HTR5A: variants seen among roughly 807,000 people sequenced by gnomAD.
HTR5A encodes 5-HT-5.
HTR5A carries 21 observed loss-of-function variants against 24.3 expected under a neutral mutation model. That is an observed-to-expected ratio of 0.86 (90% CI 0.61 to 1.24). The LOEUF is 1.24. Ranked by LOEUF, HTR5A falls within the 50% of genes most tolerant of loss-of-function variation. HTR5A has a pLI of 0.00. For synonymous variants in HTR5A, 260 were observed against 213.7 expected (o/e 1.22, Z -1.89); for missense variants, 497 against 489.5 (o/e 1.02, Z -0.15).
chr7:155,075,075 G>C (rs1469554257), intron 1 of HTR5A, among the ~76,000 whole-genome samples: 1 of 152,162 alleles, frequency 6.6e-6, no homozygotes, highest in Non-Finnish European at 1.5e-5. Flanking sequence ...CCTAAGAGAA[G>C]AAAATTTTAA....
chr7:155,084,420 T>C lies in HTR5A; in HGVS notation c.1007T>C (p.Leu336Pro). 1 of 1,614,132 alleles carries C rather than the reference T, an allele frequency of 6.2e-7. No individual in the cohort carries two copies. Among genetic ancestry groups the C allele is most frequent in the Non-Finnish European group, 8.5e-7 (1 of 1,180,012 alleles). ...TACTCCAACTCCTTCTTTAACCCCC[T>C]GATCTATACGGCTTTCAACAAGAAC... ...LGYSNSFFNP[L>P]IYTAFNKNYN... Residue 336 changes from leucine to proline, a missense_variant, in exon 2 of 2, where the codon CTG becomes CCG. By Grantham distance (98) the Leu-to-Pro change is moderately conservative (BLOSUM62 -3). Transcript: ENST00000287907.
chr7:155,071,089 A>G lies in HTR5A; in HGVS notation c.190A>G (p.Thr64Ala), dbSNP rs1415550977. ...CGCCTGGAACCTGCTGGTGCTGGCGACCATCCTCCGTGTACGCACCTTCCA... is the reference window on the plus strand; with the variant it reads ...CGCCTGGAACCTGCTGGTGCTGGCGGCCATCCTCCGTGTACGCACCTTCCA... ...TFAWNLLVLA[T>A]ILRVRTFHRV... The change falls in exon 1 of 2, where the codon ACC (threonine) becomes GCC (alanine). Residue 64 changes from threonine (T) to alanine (A), a missense_variant. Thr to Ala is a moderately conservative substitution (Grantham distance 58, BLOSUM62 0). Coordinates refer to ENST00000287907, the MANE Select transcript of HTR5A (RefSeq NM_024012.4). 6.8e-6 allele frequency: 11 copies of G among 1,607,506 alleles called. No homozygotes were observed. The highest frequency in any genetic ancestry group is 5.0e-5 in the Admixed American group (3 of 59,972).
chr7:155,085,239 A>G lies in HTR5A; in HGVS notation c.*752A>G, dbSNP rs1795463958. 1 of 152,270 alleles carries G rather than the reference A, an allele frequency of 6.6e-6. No individual in the cohort carries two copies. Among genetic ancestry groups the G allele is most frequent in the Non-Finnish European group, 1.5e-5 (1 of 68,060 alleles). 9.4% of individuals were successfully genotyped at this position (152,270 alleles called of 1,614,324 possible). The stretch of plus-strand genomic sequence containing the variant: ...CTTTCATTTTGAAGCAACAGTTTAT[A>G]AACAGGAAAGTCTACTGGTTTCATA... On this transcript the variant is annotated 3_prime_UTR_variant, in exon 2 of 2. Coordinates refer to ENST00000287907, the MANE Select transcript of HTR5A (RefSeq NM_024012.4).
intron 1 of HTR5A, among the ~76,000 whole-genome samples, chr7:155,080,241 T>C (rs190554992): frequency 5.3e-4 from 81 of 152,316 alleles, no homozygotes; most frequent in African/African-American, 1.6e-3. Context: ...GTTTAAAGCT[T>C]TCTACATAGA....
Position 155,071,650 on chromosome 7 carries a change from T to A in HTR5A, c.741+10T>A. 6.2e-7 allele frequency: 1 copy of A among 1,611,276 alleles called. No homozygotes were observed. The highest frequency in any genetic ancestry group is 8.5e-7 in the Non-Finnish European group (1 of 1,178,602). On this transcript the variant is annotated intron_variant, in intron 1 of 1. Transcript: ENST00000287907. The stretch of plus-strand genomic sequence containing the variant: ...ATCCGAAGCTGTGGAGGTGGGTATC[T>A]CAGCAATCCTTAAAAATACTCGACT...
intron 1 of HTR5A, among the ~76,000 whole-genome samples, chr7:155,080,668 G>A (rs773077592): frequency 5.9e-5 from 9 of 152,238 alleles, no homozygotes; most frequent in African/African-American, 1.7e-4. Context: ...AGAGCAGAGC[G>A]GAATGCCCAT....
At chr7:155,082,589 G>C (rs1795430512) in intron 1 of HTR5A, among the ~76,000 whole-genome samples, 2 of 152,224 alleles carry the variant, frequency 1.3e-5, no homozygotes. Context: ...GTGCCAAGGG[G>C]AAGGAGACTT....
At chr7:155,076,441 G>A (rs985088508) in intron 1 of HTR5A, among the ~76,000 whole-genome samples, 1 of 152,156 alleles carries the variant, frequency 6.6e-6, no homozygotes. Context: ...CATAATTTAA[G>A]CATTGAACAA....
rs1563417256 is a variant in HTR5A at position 155,070,510 on chromosome 7, C to T, written c.-390C>T. Reference sequence around the variant, plus strand: ...GGTGAGAGCGACTGCTCTGACGCACCAGCCCCTCTCCTGCACCCACACGCT... The same window carrying T: ...GGTGAGAGCGACTGCTCTGACGCACTAGCCCCTCTCCTGCACCCACACGCT... On this transcript the variant is annotated 5_prime_UTR_variant, in exon 1 of 2. Transcript: ENST00000287907. 4 of 378,608 alleles carry T rather than the reference C, an allele frequency of 1.1e-5. No individual in the cohort carries two copies. The allele number at this position is 378,608 out of a possible 1,614,324, so 23.5% of individuals were successfully genotyped here. A position where few individuals can be genotyped will look rare whatever the true frequency, so the allele number is the denominator to read the frequency against.
chr7:155,076,150 C>T (rs1585120847), intron 1 of HTR5A, among the ~76,000 whole-genome samples: 3 of 152,186 alleles, frequency 2.0e-5, no homozygotes, highest in South Asian at 2.1e-4. Flanking sequence ...CCAAGATGGT[C>T]ACTAATTCAC....
At position 155,085,823 on chromosome 7, in the gene HTR5A, T is replaced by C. The variant is rs1795471033; in HGVS notation, c.*1336T>C. On this transcript the variant is annotated 3_prime_UTR_variant, in exon 2 of 2. Transcript: ENST00000287907. The stretch of plus-strand genomic sequence containing the variant: ...TAAGAGTTCAAACATAGGAAATTTG[T>C]GATAATTTATATGTGGTCTTGGCTT... 6.6e-6 allele frequency: 1 copy of C among 152,240 alleles called. No individual in the cohort carries two copies. The highest frequency in any genetic ancestry group is 2.1e-4 in the South Asian group (1 of 4,834). 9.4% of individuals were successfully genotyped at this position (152,240 alleles called of 1,614,324 possible).
intron 1 of HTR5A, among the ~76,000 whole-genome samples, chr7:155,079,528 C>T (rs1287772338): frequency 6.6e-6 from 1 of 152,104 alleles, no homozygotes. Context: ...TGACTTTTAG[C>T]CATTTGATGT....
rs1795327226 is a variant in HTR5A, at chr7:155,073,867, ATATATATATG to A, written c.741+2237_741+2246del. 8.3e-5 allele frequency among the ~76,000 whole-genome samples: 10 copies of A among 121,154 alleles called. 1 individual carries two copies. Among genetic ancestry groups the A allele is most frequent in the Admixed American group, 6.0e-4 (7 of 11,580 alleles). 79.5% of individuals were successfully genotyped at this position (121,154 alleles called of 152,430 possible). A position where few individuals can be genotyped will look rare whatever the true frequency, so the allele number is the denominator to read the frequency against. ...TATATATACATATGTGTGTGTGTGT[ATATATATATG>A]TATATATATATGTATATATATATAT... On this transcript the variant is annotated intron_variant, in intron 1 of 1. Coordinates refer to ENST00000287907, the MANE Select transcript of HTR5A (RefSeq NM_024012.4).
In HTR5A at chr7:155,084,426, A is replaced by G. The variant is rs775196416; in HGVS notation, c.1013A>G (p.Tyr338Cys). ...AACTCCTTCTTTAACCCCCTGATCT[A>G]TACGGCTTTCAACAAGAACTACAAC... ...YSNSFFNPLI[Y>C]TAFNKNYNSA... Residue 338 changes from tyrosine (Y) to cysteine (C), a missense_variant, in exon 2 of 2, where the codon TAT becomes TGT. By Grantham distance (194) the Tyr-to-Cys change is radical. Transcript: ENST00000287907. 1 of 1,614,100 alleles carries G rather than the reference A, an allele frequency of 6.2e-7. No individual in the cohort carries two copies. The highest frequency in any genetic ancestry group is 1.7e-5 in the Admixed American group (1 of 60,020).
intron 1 of HTR5A, among the ~76,000 whole-genome samples, chr7:155,077,893 A>G (rs1795375384): frequency 6.6e-6 from 1 of 152,234 alleles, no homozygotes; most frequent in South Asian, 2.1e-4. Context: ...TAGTGGGGTT[A>G]CTGGTAGTTA....
At position 155,084,657 on chromosome 7, in the gene HTR5A, A is replaced by G; in HGVS notation, c.*170A>G. The stretch of plus-strand genomic sequence containing the variant: ...TCTTTTCCACCTCCTCAGTAGGAAT[A>G]TGACTCCTCATAGAGTTACGGTGAC... On this transcript the variant is annotated 3_prime_UTR_variant, in exon 2 of 2. Transcript: ENST00000287907. 1.7e-6 allele frequency: 1 copy of G among 603,380 alleles called. No individual in the cohort carries two copies. The highest frequency in any genetic ancestry group is 2.9e-6 in the Non-Finnish European group (1 of 342,182). The allele number at this position is 603,380 out of a possible 1,614,324, so 37.4% of individuals were successfully genotyped here.
chr7:155,084,344 T>TGCTC lies in HTR5A; in HGVS notation c.932_935dup (p.Cys313LeufsTer3), dbSNP rs776253608. 6.2e-7 allele frequency: 1 copy of TGCTC among 1,614,180 alleles called. No individual in the cohort carries two copies. Among genetic ancestry groups the TGCTC allele is most frequent in the South Asian group, 1.1e-5 (1 of 91,084 alleles). ...TCTCACCGAGCTCATCAGTCCCCTCTGCTCCTGTGACATCCCCGCCATCTG... is the reference window on the plus strand; with the variant it reads ...TCTCACCGAGCTCATCAGTCCCCTCTGCTCGCTCCTGTGACATCCCCGCCATCTG... On this transcript the variant is annotated frameshift_variant, in exon 2 of 2. Transcript: ENST00000287907. LOFTEE classifies it high-confidence loss of function.
In HTR5A at chr7:155,084,511, A is replaced by C; in HGVS notation, c.*24A>C. 6.4e-7 allele frequency: 1 copy of C among 1,560,156 alleles called. No individual in the cohort carries two copies. Among genetic ancestry groups the C allele is most frequent in the South Asian group, 1.2e-5 (1 of 84,420 alleles). ...GAGGGAGAGGACCAGGATTGAAAAAAGTTTCTTCCCATAATTCAGTGGAAT... is the reference window on the plus strand; with the variant it reads ...GAGGGAGAGGACCAGGATTGAAAAACGTTTCTTCCCATAATTCAGTGGAAT... On this transcript the variant is annotated 3_prime_UTR_variant, in exon 2 of 2. Transcript: ENST00000287907.
chr7:155,084,208 C>T lies in HTR5A; in HGVS notation c.795C>T (p.Thr265=), dbSNP rs149191890. 204 of 1,613,988 alleles carry T rather than the reference C, an allele frequency of 1.3e-4. No homozygotes were observed. The highest frequency in any genetic ancestry group is 2.0e-4 in the East Asian group (9 of 44,866). The change falls in exon 2 of 2, where the codon ACC becomes ACT. Residue 265 remains threonine, a synonymous_variant. Transcript: ENST00000287907. The part of the protein sequence containing the change: ...PQMVFTVRHA[T]VTFQPEGDTW... The stretch of plus-strand genomic sequence containing the variant: ...TGGTGTTCACGGTCCGCCACGCCAC[C>T]GTCACCTTCCAGCCAGAAGGGGACA...
Sources: gnomAD v4.1 joint callset for allele counts (sites outside exome capture counted in the v4.1 genomes callset) on GRCh38, gnomAD v4.1.1 for gene constraint, MANE v1.5 for transcripts, NCBI Gene and HGNC (gene_info 2026-07-23, HGNC 2026-07-21) for gene names.